Variants in RBFOX1 observed in about 807,000 individuals in gnomAD.
RBFOX1 encodes the protein RNA binding protein fox-1 homolog 1.
In RBFOX1, 8 loss-of-function variants were observed where a neutral mutation model predicts 57.7. The observed-to-expected ratio is 0.14, with a 90% confidence interval of 0.08 to 0.25. The LOEUF (loss-of-function observed/expected upper bound fraction) is 0.25, where lower values mean the gene tolerates loss of function less well. Among genes scored for constraint, RBFOX1 ranks in the 10% least tolerant of loss-of-function variants. The pLI is 1.00. For synonymous variants in RBFOX1, 326 were observed against 222.4 expected (o/e 1.47, Z -4.15); for missense variants, 611 against 548.5 (o/e 1.11, Z -1.14).
At chr16:7,398,224 T>G (rs2098174765) in intron 4 of RBFOX1, among the ~76,000 whole-genome samples, 1 of 152,256 alleles carries the variant, frequency 6.6e-6, no homozygotes. Context: ...TATCATTGCC[T>G]GACAGCTTAT....
At chr16:6,983,437 C>T (rs533979349) in intron 3 of RBFOX1, among the ~76,000 whole-genome samples, 155 of 147,626 alleles carry the variant, frequency 1.0e-3, no homozygotes, top group African/African-American at 3.3e-3. Flanking sequence ...TCTGGTCCGC[C>T]GACTTGCTGG....
chr16:6,879,520 C>G (rs1256221388), intron 3 of RBFOX1, among the ~76,000 whole-genome samples: 1 of 152,128 alleles, frequency 6.6e-6, no homozygotes, highest in Non-Finnish European at 1.5e-5. Context: ...TTACTTGCTA[C>G]AAAGTTAGGT....
intron 1 of RBFOX1, among the ~76,000 whole-genome samples, chr16:6,289,803 A>G (rs1270098057): frequency 6.6e-6 from 1 of 152,206 alleles, no homozygotes; most frequent in Non-Finnish European, 1.5e-5. Context: ...GTAAGGAGTT[A>G]AGGCCATCAG....
At chr16:6,392,070 T>C (rs1184406278) in intron 2 of RBFOX1, among the ~76,000 whole-genome samples, 1 of 152,194 alleles carries the variant, frequency 6.6e-6, no homozygotes, top group Non-Finnish European at 1.5e-5. Context: ...TAATCCCTCT[T>C]CAATAATTCA....
chr16:7,226,440 G>C (rs2093126810), intron 4 of RBFOX1, among the ~76,000 whole-genome samples: 1 of 152,186 alleles, frequency 6.6e-6, no homozygotes, highest in African/African-American at 2.4e-5. Flanking sequence ...GGTAGAAAGA[G>C]GTGGGGTGTG....
chr16:7,255,919 C>G (rs576419104), intron 4 of RBFOX1, among the ~76,000 whole-genome samples: 35 of 152,258 alleles, frequency 2.3e-4, no homozygotes, highest in African/African-American at 6.5e-4. Flanking sequence ...TAGCACTAGT[C>G]TAGAGGAAAT....
chr16:7,611,815 C>T (rs1314305457), intron 10 of RBFOX1, among the ~76,000 whole-genome samples: 2 of 152,060 alleles, frequency 1.3e-5, no homozygotes, highest in African/African-American at 2.4e-5. Flanking sequence ...TTTTTCTTTT[C>T]TGAATTCTCA....
chr16:5,611,205 C>G (rs2047773906), intron 3 of RBFOX1: 1 of 152,254 alleles, frequency 6.6e-6, no homozygotes, highest in Admixed American at 6.5e-5. Flanking sequence ...CTTTAAGGTA[C>G]TGCCTTACCT....
intron 3 of RBFOX1, among the ~76,000 whole-genome samples, chr16:6,855,652 C>CAAAAA (rs71147612): frequency 9.6e-4 from 124 of 129,038 alleles, no homozygotes; most frequent in African/African-American, 3.7e-3. Context: ...GACTCCATCT[C>CAAAAA]AAAAAAAAAA....
At chr16:7,226,347 G>A (rs1016113356) in intron 4 of RBFOX1, among the ~76,000 whole-genome samples, 2 of 152,194 alleles carry the variant, frequency 1.3e-5, no homozygotes, top group African/African-American at 2.4e-5. Flanking sequence ...AGTGCAGTGT[G>A]TAATGCCCAC....
intron 4 of RBFOX1, among the ~76,000 whole-genome samples, chr16:7,240,267 G>T (rs538508410): frequency 6.6e-6 from 1 of 151,980 alleles, no homozygotes; most frequent in African/African-American, 2.4e-5. Context: ...GCATCCTGCC[G>T]AATCTATAAG....
At chr16:7,625,601 G>A (rs562371680) in intron 10 of RBFOX1, among the ~76,000 whole-genome samples, 35 of 152,110 alleles carry the variant, frequency 2.3e-4, no homozygotes, top group East Asian at 1.9e-3. Context: ...TTTAATCTTC[G>A]AGCTCTTGAA....
At chr16:7,277,084 AT>A (rs1391266977) in intron 4 of RBFOX1, among the ~76,000 whole-genome samples, 1 of 152,176 alleles carries the variant, frequency 6.6e-6, no homozygotes, top group African/African-American at 2.4e-5. Context: ...TGTATTTTGC[AT>A]TTTTTAAAGA....
intron 3 of RBFOX1, among the ~76,000 whole-genome samples, chr16:5,854,559 C>T (rs547451538): frequency 1.4e-5 from 2 of 143,980 alleles, no homozygotes; most frequent in African/African-American, 2.7e-5. Context: ...CCTATCTTAC[C>T]CCCCCCACAC....
intron 5 of RBFOX1, among the ~76,000 whole-genome samples, chr16:7,524,860 C>A (rs562990136): frequency 6.6e-6 from 1 of 152,204 alleles, no homozygotes; most frequent in South Asian, 2.1e-4. Context: ...GATGGAATCA[C>A]TAAGGTATAG....
At chr16:7,090,807 C>G (rs926235275) in intron 4 of RBFOX1, among the ~76,000 whole-genome samples, 1 of 152,072 alleles carries the variant, frequency 6.6e-6, no homozygotes, top group Non-Finnish European at 1.5e-5. Flanking sequence ...AGGGAAGTCA[C>G]GTTTACTGAG....
At chr16:5,334,941 C>T (rs538462373) in intron 1 of RBFOX1, among the ~76,000 whole-genome samples, 18 of 152,050 alleles carry the variant, frequency 1.2e-4, no homozygotes, top group South Asian at 4.2e-4. Flanking sequence ...TAGTTTTGTT[C>T]GCTTGTTTAA....
chr16:5,606,665 G>A (rs567431585), intron 3 of RBFOX1, among the ~76,000 whole-genome samples: 1 of 152,242 alleles, frequency 6.6e-6, no homozygotes, highest in Non-Finnish European at 1.5e-5. Flanking sequence ...GCCCATAACT[G>A]AGGCACAATC....
At position 5,516,926 on chromosome 16, in the gene RBFOX1, C is replaced by T. The variant is rs191850962; in HGVS notation, c.258+49672C>T. On this transcript the variant is annotated intron_variant, in intron 2 of 2. Transcript: ENST00000585867. ...ATTAAACCTTTTTTCTTTATAAATT[C>T]CCCAGTCTCAGGTATTTCTTAATAG... 3.7e-3 allele frequency among the ~76,000 whole-genome samples: 563 copies of T among 152,152 alleles called. 5 individuals carry two copies. Among genetic ancestry groups the T allele is most frequent in the African/African-American group, 0.013 (524 of 41,514 alleles).
Sources: allele counts gnomAD v4.1 joint callset (sites outside exome capture counted in the v4.1 genomes callset), GRCh38; gene constraint gnomAD v4.1.1; transcripts MANE v1.5; gene names NCBI Gene and HGNC (gene_info 2026-07-23, HGNC 2026-07-21).